Variants in ZNF609 observed in about 807,000 individuals in gnomAD.
ZNF609 encodes zinc finger protein 609.
A neutral mutation model predicts 109.5 loss-of-function variants in ZNF609; 11 were observed. The observed-to-expected ratio is 0.10, with a 90% CI of 0.06 to 0.17. The LOEUF is 0.17. ZNF609 is among the 10% of genes least tolerant of loss of function. The pLI is 1.00. For missense variants in ZNF609, 1,559 were observed against 1,772.4 expected (o/e 0.88, Z 2.16); for synonymous variants, 646 against 662.0 (o/e 0.98, Z 0.37).
At chr15:64,485,672 A>C (rs1326819937) in intron 1 of ZNF609, among the ~76,000 whole-genome samples, 1 of 152,028 alleles carries the variant, frequency 6.6e-6, no homozygotes, top group Non-Finnish European at 1.5e-5. Flanking sequence ...GGGCATGGTC[A>C]TGCACCTCTG....
At position 64,468,162 on chromosome 15, in the gene ZNF609, AG is replaced by A. The variant is rs199502467; in HGVS notation, c.-128+7326del. 7.0e-3 allele frequency among the ~76,000 whole-genome samples: 1,067 copies of A among 151,960 alleles called. 14 individuals are homozygous for A. Among genetic ancestry groups the A allele is most frequent in the African/African-American group, 0.025 (1,029 of 41,460 alleles). On this transcript the variant is annotated intron_variant, in intron 1 of 9. Coordinates refer to ENST00000326648, the MANE Select transcript of ZNF609 (RefSeq NM_015042.2). ...CTCCCAAGCAGTTGGAAGTACAGGCAGGCGCCACCACACCCAGCTAATTTTT... is the reference window on the plus strand; with the variant it reads ...CTCCCAAGCAGTTGGAAGTACAGGCAGCGCCACCACACCCAGCTAATTTTT...
chr15:64,681,546 T>G, intron 9 of ZNF609, 146 bp from the exon 10 acceptor site: 1 of 619,768 alleles, frequency 1.6e-6, no homozygotes, highest in Non-Finnish European at 2.9e-6. Flanking sequence ...CGTGAAGCCA[T>G]GTGCATCTGA....
intron 2 of ZNF609, among the ~76,000 whole-genome samples, chr15:64,508,960 T>TTGGG (rs1893679053): frequency 6.6e-6 from 1 of 152,122 alleles, no homozygotes; most frequent in South Asian, 2.1e-4. Flanking sequence ...TCCCAAAGTG[T>TTGGG]TGGGATTACA....
intron 1 of ZNF609, among the ~76,000 whole-genome samples, chr15:64,473,079 G>A (rs924878273): frequency 1.3e-5 from 2 of 151,618 alleles, no homozygotes; most frequent in Non-Finnish European, 2.9e-5. Context: ...CTTGGCATAT[G>A]CTTTCAGATG....
intron 1 of ZNF609, among the ~76,000 whole-genome samples, chr15:64,478,917 G>T (rs1011032192): frequency 2.6e-5 from 4 of 152,174 alleles, no homozygotes; most frequent in African/African-American, 4.8e-5. Context: ...CCAAGTGTAT[G>T]TTGTTGTTTT....
intron 2 of ZNF609, chr15:64,501,519 G>A (rs1893562541): frequency 6.6e-6 from 1 of 152,136 alleles, no homozygotes; most frequent in Admixed American, 6.6e-5. Flanking sequence ...GCAGAGTCAG[G>A]TTCCAGCTGG....
chr15:64,570,381 A>G (rs1214469272), intron 2 of ZNF609, among the ~76,000 whole-genome samples: 2 of 152,244 alleles, frequency 1.3e-5, no homozygotes, highest in Admixed American at 1.3e-4. Context: ...ATGGTTAAGC[A>G]TAAATATGTT....
At chr15:64,462,016 G>C (rs1892948612) in intron 1 of ZNF609, among the ~76,000 whole-genome samples, 1 of 152,214 alleles carries the variant, frequency 6.6e-6, no homozygotes, top group Non-Finnish European at 1.5e-5. Context: ...CTGCAGCAGA[G>C]ATAAACCGGT....
chr15:64,574,133 T>G (rs1012321681), intron 2 of ZNF609, among the ~76,000 whole-genome samples: 2 of 150,834 alleles, frequency 1.3e-5, no homozygotes, highest in African/African-American at 4.9e-5. Flanking sequence ...TGGCACTGCA[T>G]TAGCCTTTTT....
intron 3 of ZNF609, among the ~76,000 whole-genome samples, chr15:64,664,025 C>T (rs1241219437): frequency 1.3e-5 from 2 of 152,040 alleles, no homozygotes; most frequent in Non-Finnish European, 2.9e-5. Flanking sequence ...GGCAGGACTT[C>T]GAGACCAGCC....
intron 1 of ZNF609, among the ~76,000 whole-genome samples, chr15:64,480,291 TG>T (rs1893233757): frequency 6.6e-6 from 1 of 151,964 alleles, no homozygotes; most frequent in South Asian, 2.1e-4. Flanking sequence ...CCCAGCACTT[TG>T]GGAGGCTGAG....
At chr15:64,659,835 C>CT (rs755818323) in intron 3 of ZNF609, among the ~76,000 whole-genome samples, 2,285 of 137,216 alleles carry the variant, frequency 0.017, 97 homozygotes, top group Admixed American at 0.11. Context: ...TTCTTTCTTT[C>CT]TTTTTTTTTT....
At chr15:64,596,486 T>G (rs1434412372) in intron 2 of ZNF609, among the ~76,000 whole-genome samples, 1 of 152,218 alleles carries the variant, frequency 6.6e-6, no homozygotes, top group Admixed American at 6.5e-5. Context: ...AGTTTGCATA[T>G]GCTGTTCCCT....
chr15:64,625,120 T>C (rs899081144), intron 3 of ZNF609, among the ~76,000 whole-genome samples: 4 of 152,200 alleles, frequency 2.6e-5, no homozygotes, highest in Admixed American at 6.5e-5. Flanking sequence ...TTTGCAACTT[T>C]GTTTATCATT....
intron 2 of ZNF609, among the ~76,000 whole-genome samples, chr15:64,514,279 T>C (rs1893776520): frequency 6.6e-6 from 1 of 152,166 alleles, no homozygotes; most frequent in African/African-American, 2.4e-5. Context: ...TACAAAGGTA[T>C]TTTATGACAA....
At chr15:64,573,558 G>A (rs1254379690) in intron 2 of ZNF609, among the ~76,000 whole-genome samples, 2 of 151,232 alleles carry the variant, frequency 1.3e-5, no homozygotes, top group South Asian at 2.1e-4. Context: ...AGTAGAGATG[G>A]GGTTTCACCT....
At chr15:64,617,474 G>A (rs1895817636) in intron 2 of ZNF609, among the ~76,000 whole-genome samples, 1 of 151,026 alleles carries the variant, frequency 6.6e-6, no homozygotes, top group African/African-American at 2.4e-5. Flanking sequence ...CTGGACGACA[G>A]AGCGAGACCC....
chr15:64,608,724 CGT>C (rs34519391), intron 2 of ZNF609, among the ~76,000 whole-genome samples: 8,029 of 148,396 alleles, frequency 0.054, 237 homozygotes, highest in South Asian at 0.077. Flanking sequence ...TGCATGCATG[CGT>C]GTGTGTGTGT....
At chr15:64,575,078 T>C (rs1894926914) in intron 2 of ZNF609, among the ~76,000 whole-genome samples, 2 of 152,180 alleles carry the variant, frequency 1.3e-5, no homozygotes, top group Non-Finnish European at 2.9e-5. Context: ...GTTGGTGATG[T>C]GGAAAGTGCT....
Sources: gnomAD v4.1 joint callset for allele counts (sites outside exome capture counted in the v4.1 genomes callset) on GRCh38, gnomAD v4.1.1 for gene constraint, MANE v1.5 for transcripts, NCBI Gene and HGNC (gene_info 2026-07-23, HGNC 2026-07-21) for gene names.